DIP2B: variants seen among roughly 807,000 people sequenced by gnomAD.
The protein encoded by DIP2B is disco-interacting protein 2 homolog B.
Under a neutral mutation model 198.0 loss-of-function variants are expected in DIP2B, and 76 were observed. The ratio of observed to expected loss-of-function variants is 0.38; its 90% CI spans 0.32 to 0.46. DIP2B has a LOEUF of 0.46. DIP2B is among the 20% of genes least tolerant of loss of function. DIP2B has a pLI of 0.99. For missense variants in DIP2B, 1,559 were observed against 1,978.4 expected, an observed-to-expected ratio of 0.79 and a Z score of 4.02; for synonymous variants, 701 against 739.1, an observed-to-expected ratio of 0.95 and a Z score of 0.84.
At chr12:50,672,618 A>C (rs556056427) in intron 5 of DIP2B, among the ~76,000 whole-genome samples, 9 of 152,362 alleles carry the variant, frequency 5.9e-5, no homozygotes, top group Admixed American at 3.3e-4. Context: ...AGTTACTCAC[A>C]GAAACCATTT....
chr12:50,659,575 G>A (rs1001782212), intron 3 of DIP2B, among the ~76,000 whole-genome samples: 3 of 151,896 alleles, frequency 2.0e-5, no homozygotes, highest in African/African-American at 7.3e-5. Context: ...AAAATGAAGA[G>A]TTTTGTTTGG....
chr12:50,734,075 G>A, intron 32 of DIP2B, 60 bp from the exon 33 acceptor site: 1 of 1,583,060 alleles, frequency 6.3e-7, no homozygotes, highest in Non-Finnish European at 8.7e-7. Flanking sequence ...TTCTTGGTTT[G>A]AAAATGTGAA....
Position 50,626,016 on chromosome 12 carries a change from A to G in DIP2B, c.141A>G (p.Lys47=), listed in dbSNP as rs751724137. 5.0e-6 allele frequency: 8 copies of G among 1,614,026 alleles called. No homozygotes were observed. In the East Asian group the frequency reaches 1.8e-4, roughly 36 times the overall value. The change falls in exon 2 of 38, where the codon AAA becomes AAG. Residue 47 remains lysine (K), a synonymous_variant. Transcript: ENST00000301180. ...AGGGCTATGAAAAGAAAAGGTCCAA[A>G]CTCCTATCTCCTTACAGCCCGCAGA... ...TQKGYEKKRS[K]LLSPYSPQTQ...
chr12:50,509,649 T>G (rs1957997332), intron 1 of DIP2B, among the ~76,000 whole-genome samples: 1 of 150,358 alleles, frequency 6.7e-6, no homozygotes, highest in African/African-American at 2.4e-5. Context: ...TTGCAGTGAC[T>G]TTTAATGGGG....
chr12:50,702,833 A>C (rs1029461229), intron 19 of DIP2B, among the ~76,000 whole-genome samples: 1 of 152,064 alleles, frequency 6.6e-6, no homozygotes, highest in Non-Finnish European at 1.5e-5. Context: ...AAAGAAATAC[A>C]AATGCTCGGC....
rs113662554 is a variant in DIP2B at position 50,565,713 on chromosome 12, G to T, written c.101-60263G>T. ...CTAGTAGGATACATCAATTAAAAAG[G>T]CATCATTTCACCCTCAAATTAATCT... On this transcript the variant is annotated intron_variant, in intron 1 of 37. Transcript: ENST00000301180. Among the ~76,000 whole-genome samples, 22 of 152,178 alleles carry T rather than the reference G, an allele frequency of 1.4e-4. 1 individual carries two copies. The highest frequency in any genetic ancestry group is 4.8e-4 in the African/African-American group (20 of 41,514).
At chr12:50,660,053 A>T in intron 3 of DIP2B, 141 bp from the exon 4 acceptor site, 1 of 912,108 alleles carries the variant, frequency 1.1e-6, no homozygotes, top group Non-Finnish European at 1.5e-6. Flanking sequence ...GGTCTTAATC[A>T]AATTATAAAT....
chr12:50,662,902 A>G (rs2139514167), intron 4 of DIP2B, among the ~76,000 whole-genome samples: 1 of 152,022 alleles, frequency 6.6e-6, no homozygotes. Flanking sequence ...GGAGGTCAGG[A>G]GTTCGAGATC....
At position 50,701,813 on chromosome 12, in the gene DIP2B, A is replaced by G. The variant is rs559505297; in HGVS notation, c.2326-2327A>G. 7.9e-5 allele frequency among the ~76,000 whole-genome samples: 12 copies of G among 152,342 alleles called. 1 individual carries two copies. The South Asian group carries it at 2.5e-3, about 32-fold the overall frequency. Reference sequence around the variant, plus strand: ...TCCCATGTGCTAGCTATTTGAGGCAAGTGAAACTCACTTCATCTGTAAAAT... The same window carrying G: ...TCCCATGTGCTAGCTATTTGAGGCAGGTGAAACTCACTTCATCTGTAAAAT... On this transcript the variant is annotated intron_variant, in intron 19 of 37. Transcript: ENST00000301180.
intron 1 of DIP2B, among the ~76,000 whole-genome samples, chr12:50,582,062 G>T (rs1219547031): frequency 2.0e-5 from 3 of 151,490 alleles, no homozygotes; most frequent in African/African-American, 7.3e-5. Context: ...GGTGGAGCAT[G>T]CTTGATCAAA....
chr12:50,740,354 G>A (rs946310995), intron 36 of DIP2B, among the ~76,000 whole-genome samples: 2 of 152,210 alleles, frequency 1.3e-5, no homozygotes, highest in Admixed American at 1.3e-4. Flanking sequence ...TGGTTTTGCA[G>A]CCCACCTCTG....
At chr12:50,558,893 T>C (rs1340372254) in intron 1 of DIP2B, among the ~76,000 whole-genome samples, 2 of 152,114 alleles carry the variant, frequency 1.3e-5, no homozygotes, top group Non-Finnish European at 2.9e-5. Context: ...TCACTGAAAG[T>C]TTAAGAAAAG....
In DIP2B at chr12:50,739,592, T is replaced by A. The variant is rs1360919774; in HGVS notation, c.4354+6T>A. ...GCTCACAGCGGCCACTGGAGGTACT[T>A]CTGCAACAACTCCCCATTGACCCTG... On this transcript the variant is annotated splice_donor_region_variant and intron_variant, in intron 36 of 37. Transcript: ENST00000301180. 1 of 1,612,794 alleles carries A rather than the reference T, an allele frequency of 6.2e-7. No individual in the cohort carries two copies. The highest frequency in any genetic ancestry group is 1.3e-5 in the African/African-American group (1 of 75,048).
At chr12:50,660,116 G>A (rs1938620032) in intron 3 of DIP2B, 78 bp from the exon 4 acceptor site, 1 of 1,281,160 alleles carries the variant, frequency 7.8e-7, no homozygotes, top group South Asian at 2.6e-5. Context: ...AAACAATTGA[G>A]GCAGTGATAG....
intron 3 of DIP2B, among the ~76,000 whole-genome samples, chr12:50,644,188 G>A (rs1011166412): frequency 2.0e-5 from 3 of 152,158 alleles, no homozygotes; most frequent in Non-Finnish European, 4.4e-5. Context: ...CCAAGAGGGA[G>A]CTTAATTTCA....
At chr12:50,621,282 C>T (rs1182120143) in intron 1 of DIP2B, among the ~76,000 whole-genome samples, 3 of 152,120 alleles carry the variant, frequency 2.0e-5, no homozygotes, top group Non-Finnish European at 4.4e-5. Context: ...GCTTTTAGTG[C>T]CTTGTGATTT....
chr12:50,644,526 C>G (rs1938316565), intron 3 of DIP2B, among the ~76,000 whole-genome samples: 1 of 152,210 alleles, frequency 6.6e-6, no homozygotes, highest in South Asian at 2.1e-4. Context: ...GGGGACTGAA[C>G]TCCAGAAGTG....
rs114088281 is a variant in DIP2B at position 50,597,583 on chromosome 12, A to T, written c.101-28393A>T. ...TCACTTCTTTGAATCAGAGGATGGG[A>T]TGCGTGTTGTCTGATGGATCTGGGG... On this transcript the variant is annotated intron_variant, in intron 1 of 37. Coordinates refer to ENST00000301180, the MANE Select transcript of DIP2B (RefSeq NM_173602.3). Among the ~76,000 whole-genome samples the T allele has an allele frequency of 5.7e-3, 868 of 152,248 alleles. 6 individuals carry two copies. The highest frequency in any genetic ancestry group is 0.02 in the African/African-American group (836 of 41,546).
intron 1 of DIP2B, among the ~76,000 whole-genome samples, chr12:50,506,681 C>T (rs540956506): frequency 6.6e-6 from 1 of 152,240 alleles, no homozygotes; most frequent in Non-Finnish European, 1.5e-5. Flanking sequence ...CTGGGTTTGT[C>T]TGCCCAGTTA....
Sources: gnomAD v4.1 joint callset for allele counts (sites outside exome capture counted in the v4.1 genomes callset) on GRCh38, gnomAD v4.1.1 for gene constraint, MANE v1.5 for transcripts, NCBI Gene and HGNC (gene_info 2026-07-23, HGNC 2026-07-21) for gene names.